Variants in LRRC59 observed in about 807,000 individuals in gnomAD.
The protein encoded by LRRC59 is leucine rich repeat containing 59, also known as leucine-rich repeat-containing protein 59.
Under a neutral mutation model 33.5 loss-of-function variants are expected in LRRC59, and 18 were observed. The ratio of observed to expected loss-of-function variants is 0.54; its 90% CI spans 0.37 to 0.80. The LOEUF (loss-of-function observed/expected upper bound fraction) is 0.80. Among genes scored for constraint, LRRC59 ranks in the 30% least tolerant of loss-of-function variants. The pLI is 0.00. For synonymous variants in LRRC59, 138 were observed against 160.0 expected, an observed-to-expected ratio of 0.86 and a Z score of 1.04; for missense variants, 330 against 391.9, an observed-to-expected ratio of 0.84 and a Z score of 1.33.
intron 5 of LRRC59, chr17:50,386,105 G>A (rs1000395419): frequency 1.3e-5 from 2 of 150,068 alleles, no homozygotes; most frequent in African/African-American, 4.9e-5. Context: ...CTAAAAAAGT[G>A]AACCTACCTT....
rs563198837 is a variant in LRRC59, at chr17:50,385,130, T to C, written c.664A>G (p.Asn222Asp). ...EQEKKPKKEA[N>D]QAPKSKSGSR... Reference sequence around the variant, plus strand: ...GCAGAAAACTTACTCGGGGCCTGATTTGCTTCCTTCTTAGGTTTCTTCTCC... The same window carrying C: ...GCAGAAAACTTACTCGGGGCCTGATCTGCTTCCTTCTTAGGTTTCTTCTCC... Residue 222 changes from asparagine (N) to aspartate (D), a missense_variant, in exon 6 of 7, where the codon AAT (asparagine) becomes GAT (aspartate). Transcript: ENST00000225972. 1.8e-5 allele frequency: 29 copies of C among 1,613,702 alleles called. No homozygotes were observed. Among genetic ancestry groups the C allele is most frequent in the Non-Finnish European group, 2.4e-5 (28 of 1,179,940 alleles).
chr17:50,383,335 C>T, intron 6 of LRRC59, 100 bp from the exon 7 acceptor site: 2 of 1,404,992 alleles, frequency 1.4e-6, no homozygotes, highest in Non-Finnish European at 1.9e-6. Context: ...ACCTACATTC[C>T]TTCCTCAAGC....
intron 2 of LRRC59, among the ~76,000 whole-genome samples, chr17:50,394,058 G>C (rs2143373972): frequency 6.6e-6 from 1 of 151,886 alleles, no homozygotes. Context: ...TTGAATGTTA[G>C]AAACAGTTTT....
chr17:50,396,654 G>C (rs1441474018), intron 1 of LRRC59: 1 of 153,450 alleles, frequency 6.5e-6, no homozygotes, highest in African/African-American at 2.4e-5. Context: ...TTGGGGGAGA[G>C]AGGGGCGAAA....
chr17:50,392,107 G>C (rs559259765), intron 4 of LRRC59, among the ~76,000 whole-genome samples: 1 of 152,344 alleles, frequency 6.6e-6, no homozygotes, highest in South Asian at 2.1e-4. Context: ...GGCTGAGGCA[G>C]GAGAATCGCT....
chr17:50,387,495 T>A (rs895111409), intron 5 of LRRC59, among the ~76,000 whole-genome samples: 3 of 152,164 alleles, frequency 2.0e-5, no homozygotes, highest in Admixed American at 6.5e-5. Context: ...AGCATAATTA[T>A]TTATGTTGTA....
chr17:50,386,362 C>G (rs1914003818), intron 5 of LRRC59: 1 of 152,232 alleles, frequency 6.6e-6, no homozygotes, highest in Admixed American at 6.5e-5. Context: ...TTCCAAATTA[C>G]AACCTCCAAA....
intron 2 of LRRC59, among the ~76,000 whole-genome samples, chr17:50,394,371 G>A (rs770421105): frequency 7.2e-5 from 11 of 152,148 alleles, no homozygotes; most frequent in East Asian, 3.9e-4. Flanking sequence ...ACTAGCAGAC[G>A]TTGTGCAAGA....
At chr17:50,397,124 T>A in intron 1 of LRRC59, 89 bp downstream of exon 1, 1 of 986,164 alleles carries the variant, frequency 1.0e-6, no homozygotes, top group South Asian at 1.8e-5. Flanking sequence ...AGGAAACTGA[T>A]GCTTTTAGAG....
intron 5 of LRRC59, among the ~76,000 whole-genome samples, chr17:50,386,906 T>A (rs746721955): frequency 5.3e-5 from 8 of 152,168 alleles, no homozygotes; most frequent in Non-Finnish European, 7.3e-5. Context: ...CCAGTGCCTA[T>A]ATCATTTACT....
intron 4 of LRRC59, among the ~76,000 whole-genome samples, chr17:50,388,757 C>T (rs1332420043): frequency 6.6e-6 from 1 of 152,194 alleles, no homozygotes; most frequent in East Asian, 1.9e-4. Context: ...TGACCCTCAG[C>T]AACAACTTGG....
intron 2 of LRRC59, 140 bp from the exon 3 acceptor site, chr17:50,393,037 TTCATGTGTAGCCCAAGACAAC>T (rs1413834978): frequency 9.1e-6 from 7 of 768,024 alleles, no homozygotes; most frequent in Non-Finnish European, 1.4e-5. Flanking sequence ...ATCAGTGTAT[TTCATGTGTAGCCCAAGACAAC>T]TCTTCTTCTT....
At chr17:50,395,236 G>T (rs1050078727) in intron 1 of LRRC59, among the ~76,000 whole-genome samples, 4 of 151,984 alleles carry the variant, frequency 2.6e-5, no homozygotes, top group Admixed American at 1.3e-4. Flanking sequence ...GCGAGGCACA[G>T]GGACTCACAC....
At chr17:50,388,925 C>A (rs931463505) in intron 4 of LRRC59, among the ~76,000 whole-genome samples, 2 of 152,222 alleles carry the variant, frequency 1.3e-5, no homozygotes, top group Non-Finnish European at 2.9e-5. Context: ...ATGGCAGGAA[C>A]CGCTGTCTGG....
chr17:50,390,849 C>G (rs557718884), intron 4 of LRRC59, among the ~76,000 whole-genome samples: 67 of 152,346 alleles, frequency 4.4e-4, no homozygotes, highest in African/African-American at 1.5e-3. Context: ...TGCTAGGGAC[C>G]ATGGCTTTAG....
chr17:50,389,849 A>G (rs927668324), intron 4 of LRRC59, among the ~76,000 whole-genome samples: 1 of 152,112 alleles, frequency 6.6e-6, no homozygotes. Context: ...GTAATCCCAC[A>G]CTTTGGGAGG....
At chr17:50,387,946 C>T (rs1015249654) in intron 5 of LRRC59, 114 bp downstream of exon 5, 14 of 978,020 alleles carry the variant, frequency 1.4e-5, no homozygotes, top group Middle Eastern at 2.4e-4. Context: ...GTCCCCCCAC[C>T]GCCCACTAAC....
At chr17:50,394,856 C>A (rs1013433119) in intron 2 of LRRC59, 73 bp downstream of exon 2, 7 of 1,108,358 alleles carry the variant, frequency 6.3e-6, no homozygotes, top group African/African-American at 4.8e-5. Flanking sequence ...TCCCACCCCC[C>A]TCTCAACCCC....
At chr17:50,389,666 C>T (rs771401080) in intron 4 of LRRC59, among the ~76,000 whole-genome samples, 1 of 152,164 alleles carries the variant, frequency 6.6e-6, no homozygotes, top group Non-Finnish European at 1.5e-5. Flanking sequence ...TTTGAATATG[C>T]ATGCGCACGA....
Sources: allele counts gnomAD v4.1 joint callset (sites outside exome capture counted in the v4.1 genomes callset), GRCh38; gene constraint gnomAD v4.1.1; transcripts MANE v1.5; gene names NCBI Gene and HGNC (gene_info 2026-07-23, HGNC 2026-07-21).